PDE3A: variants seen among roughly 807,000 people sequenced by gnomAD.
PDE3A encodes cGMP-inhibited 3',5'-cyclic phosphodiesterase 3A.
In PDE3A, 43 loss-of-function variants were observed where a neutral mutation model predicts 98.3. That is an observed-to-expected ratio of 0.44 (90% CI 0.34 to 0.56). The LOEUF (loss-of-function observed/expected upper bound fraction) is 0.56. Among genes scored for constraint, PDE3A ranks in the 20% least tolerant of loss-of-function variants. The pLI, the probability that PDE3A is intolerant of heterozygous loss-of-function variation, is 0.01. For synonymous variants in PDE3A, 663 were observed against 567.9 expected, an observed-to-expected ratio of 1.17 and a Z score of -2.38; for missense variants, 1,427 against 1,440.7, an observed-to-expected ratio of 0.99 and a Z score of 0.15.
intron 1 of PDE3A, among the ~76,000 whole-genome samples, chr12:20,548,103 G>A (rs1329492145): frequency 6.6e-6 from 1 of 152,094 alleles, no homozygotes; most frequent in Non-Finnish European, 1.5e-5. Context: ...AAATGACTTA[G>A]TGTCAAAGCA....
At chr12:20,386,194 AAT>A (rs1294347174) in intron 1 of PDE3A, among the ~76,000 whole-genome samples, 958 of 79,044 alleles carry the variant, frequency 0.012, 19 homozygotes, top group South Asian at 0.056. Flanking sequence ...AATATATATA[AAT>A]ATATAAAAAT....
At chr12:20,620,380 A>C (rs1004966642) in intron 4 of PDE3A, among the ~76,000 whole-genome samples, 11 of 152,074 alleles carry the variant, frequency 7.2e-5, no homozygotes, top group Non-Finnish European at 1.2e-4. Context: ...GGTGTTAGCA[A>C]AACACAGACC....
At chr12:20,459,585 T>C (rs1945213136) in intron 1 of PDE3A, among the ~76,000 whole-genome samples, 2 of 152,142 alleles carry the variant, frequency 1.3e-5, no homozygotes, top group Admixed American at 1.3e-4. Flanking sequence ...CATCAAGAGA[T>C]TGTTTTACAT....
intron 1 of PDE3A, among the ~76,000 whole-genome samples, chr12:20,520,208 A>G (rs1946396947): frequency 6.6e-6 from 1 of 152,198 alleles, no homozygotes; most frequent in Non-Finnish European, 1.5e-5. Context: ...GAATGGAGGC[A>G]TGTGATAATA....
In PDE3A at chr12:20,616,217, G is replaced by C; in HGVS notation, c.1270-13G>C. 6.2e-7 allele frequency: 1 copy of C among 1,612,764 alleles called. No homozygotes were observed. The highest frequency in any genetic ancestry group is 1.3e-5 in the African/African-American group (1 of 74,990). ...AAAATATTCTGGGTAATGAAGTCAA[G>C]TCTCTTTCCTAGCGCCTGAGAAGGA... On this transcript the variant is annotated splice_polypyrimidine_tract_variant and intron_variant, in intron 3 of 15. Transcript: ENST00000359062.
At chr12:20,539,127 C>T (rs1358961919) in intron 1 of PDE3A, among the ~76,000 whole-genome samples, 2 of 152,048 alleles carry the variant, frequency 1.3e-5, no homozygotes, top group Non-Finnish European at 2.9e-5. Context: ...TTGAGAATCC[C>T]TTATCTAAAA....
intron 1 of PDE3A, among the ~76,000 whole-genome samples, chr12:20,500,772 T>C (rs1057016839): frequency 1.4e-4 from 21 of 149,436 alleles, no homozygotes; most frequent in Non-Finnish European, 1.8e-4. Flanking sequence ...TTCTTTCTTT[T>C]TTTTTTTTTT....
intron 1 of PDE3A, among the ~76,000 whole-genome samples, chr12:20,403,965 T>C (rs1944181359): frequency 6.6e-6 from 1 of 152,126 alleles, no homozygotes; most frequent in African/African-American, 2.4e-5. Flanking sequence ...CTCTTTAGAT[T>C]TCTACTTCAA....
At chr12:20,406,286 T>C (rs968567381) in intron 1 of PDE3A, among the ~76,000 whole-genome samples, 2 of 152,220 alleles carry the variant, frequency 1.3e-5, no homozygotes, top group African/African-American at 4.8e-5. Context: ...AGTTCTGTTT[T>C]TAAGTTTTTG....
chr12:20,462,472 C>T (rs942382811), intron 1 of PDE3A, among the ~76,000 whole-genome samples: 5 of 152,110 alleles, frequency 3.3e-5, no homozygotes, highest in East Asian at 3.9e-4. Context: ...GCCTGGTCAA[C>T]GAGCAAGACT....
At chr12:20,386,686 T>A (rs1457857211) in intron 1 of PDE3A, among the ~76,000 whole-genome samples, 1 of 152,002 alleles carries the variant, frequency 6.6e-6, no homozygotes, top group Non-Finnish European at 1.5e-5. Context: ...ATATTAGACC[T>A]TTGTCAGATG....
At chr12:20,497,841 T>C (rs1945947685) in intron 1 of PDE3A, among the ~76,000 whole-genome samples, 1 of 152,164 alleles carries the variant, frequency 6.6e-6, no homozygotes, top group Admixed American at 6.5e-5. Context: ...TATATATTAC[T>C]CTTTGCCCTG....
intron 10 of PDE3A, among the ~76,000 whole-genome samples, chr12:20,644,625 T>C (rs1944728344): frequency 6.6e-6 from 1 of 152,154 alleles, no homozygotes; most frequent in African/African-American, 2.4e-5. Context: ...ATCGTAATTC[T>C]CTTGCCTGTG....
intron 1 of PDE3A, among the ~76,000 whole-genome samples, chr12:20,435,346 C>T (rs775204705): frequency 4.6e-5 from 7 of 152,026 alleles, no homozygotes; most frequent in South Asian, 2.1e-4. Flanking sequence ...AATTCTTCTA[C>T]GTCATTCAAT....
At chr12:20,492,735 A>G (rs1945850997) in intron 1 of PDE3A, among the ~76,000 whole-genome samples, 1 of 152,002 alleles carries the variant, frequency 6.6e-6, no homozygotes, top group Non-Finnish European at 1.5e-5. Flanking sequence ...GATTATAAAT[A>G]CTCACCTCAA....
chr12:20,482,796 G>A (rs1428910320), intron 1 of PDE3A, among the ~76,000 whole-genome samples: 2 of 152,148 alleles, frequency 1.3e-5, no homozygotes, highest in African/African-American at 4.8e-5. Context: ...TTCAGCAGCT[G>A]CTCTTTTTAA....
intron 1 of PDE3A, among the ~76,000 whole-genome samples, chr12:20,491,284 G>C (rs1258270523): frequency 6.6e-6 from 1 of 152,196 alleles, no homozygotes; most frequent in African/African-American, 2.4e-5. Context: ...GAGCTGGGAA[G>C]TCACAGAAAC....
chr12:20,395,664 C>A, intron 1 of PDE3A, among the ~76,000 whole-genome samples: 1 of 135,740 alleles, frequency 7.4e-6, no homozygotes, highest in Non-Finnish European at 1.6e-5. Flanking sequence ...TATATGTATA[C>A]TACATATAAC....
At chr12:20,627,122 T>C (rs999776337) in intron 5 of PDE3A, among the ~76,000 whole-genome samples, 20 of 137,760 alleles carry the variant, frequency 1.5e-4, no homozygotes, top group Non-Finnish European at 2.8e-4. Context: ...AATGTTCTCA[T>C]GGGCTTTGAA....
Sources: gnomAD v4.1 joint callset for allele counts (sites outside exome capture counted in the v4.1 genomes callset) on GRCh38, gnomAD v4.1.1 for gene constraint, MANE v1.5 for transcripts, NCBI Gene and HGNC (gene_info 2026-07-23, HGNC 2026-07-21) for gene names.